Variants in GALNTL6 observed in about 807,000 individuals in gnomAD.
The protein encoded by GALNTL6 is polypeptide N-acetylgalactosaminyltransferase-like 6.
In GALNTL6, 46 loss-of-function variants were observed where a neutral mutation model predicts 73.7. The ratio of observed to expected loss-of-function variants is 0.62; its 90% CI spans 0.49 to 0.80. The LOEUF is 0.80. GALNTL6 is among the 30% of genes least tolerant of loss of function. The pLI is 0.00. For synonymous variants in GALNTL6, 259 were observed against 263.7 expected (o/e 0.98, Z 0.17); for missense variants, 604 against 755.0 (o/e 0.80, Z 2.34).
intron 3 of GALNTL6, among the ~76,000 whole-genome samples, chr4:172,233,348 C>CTAAATAAATAAA (rs3083265): frequency 2.0e-5 from 3 of 146,690 alleles, no homozygotes; most frequent in African/African-American, 7.6e-5. Flanking sequence ...GACTCTGTCT[C>CTAAATAAATAAA]TAAATAAATA....
At chr4:172,221,577 C>T (rs1480768303) in intron 2 of GALNTL6, among the ~76,000 whole-genome samples, 1 of 149,004 alleles carries the variant, frequency 6.7e-6, no homozygotes, top group Non-Finnish European at 1.5e-5. Flanking sequence ...GTGTGTGTTT[C>T]TTCACCCTTA....
At chr4:173,021,302 A>G (rs1288916291) in intron 11 of GALNTL6, among the ~76,000 whole-genome samples, 174 bp from the exon 12 acceptor site, 1 of 152,180 alleles carries the variant, frequency 6.6e-6, no homozygotes, top group Non-Finnish European at 1.5e-5. Context: ...TTACTGCTAC[A>G]GCACTTTATG....
intron 2 of GALNTL6, among the ~76,000 whole-genome samples, chr4:171,991,730 G>GTGTATA (rs1335580823): frequency 2.0e-5 from 2 of 98,182 alleles, no homozygotes; most frequent in Non-Finnish European, 3.9e-5. Context: ...GTGTGTGTGT[G>GTGTATA]TATATATATA....
At chr4:172,442,135 G>A (rs1398220249) in intron 5 of GALNTL6, among the ~76,000 whole-genome samples, 1 of 152,106 alleles carries the variant, frequency 6.6e-6, no homozygotes, top group Non-Finnish European at 1.5e-5. Context: ...TGATCAAAAG[G>A]TCGCAGGATC....
chr4:172,587,316 T>C (rs1316884111), intron 5 of GALNTL6, among the ~76,000 whole-genome samples: 1 of 152,194 alleles, frequency 6.6e-6, no homozygotes, highest in Non-Finnish European at 1.5e-5. Flanking sequence ...ACTTGATTGC[T>C]ATTACTGAAA....
chr4:172,835,312 G>T (rs1446304259), intron 7 of GALNTL6, among the ~76,000 whole-genome samples: 1 of 152,234 alleles, frequency 6.6e-6, no homozygotes, highest in Non-Finnish European at 1.5e-5. Flanking sequence ...GCTGGGAATT[G>T]CTGGCACTTG....
intron 9 of GALNTL6, among the ~76,000 whole-genome samples, chr4:172,933,644 TA>T (rs1371352767): frequency 1.3e-5 from 2 of 152,200 alleles, no homozygotes; most frequent in African/African-American, 2.4e-5. Flanking sequence ...ATGGTTTTTT[TA>T]AGTTAAAAAA....
intron 2 of GALNTL6, among the ~76,000 whole-genome samples, chr4:171,898,246 T>A (rs1342003670): frequency 1.3e-5 from 2 of 152,094 alleles, no homozygotes; most frequent in South Asian, 2.1e-4. Flanking sequence ...GGAGGAAATG[T>A]ATTCTCATAC....
chr4:172,942,744 C>T (rs1194144573), intron 9 of GALNTL6, among the ~76,000 whole-genome samples: 1 of 152,216 alleles, frequency 6.6e-6, no homozygotes, highest in Non-Finnish European at 1.5e-5. Flanking sequence ...ACCTCCACCA[C>T]CACTCACAGA....
chr4:172,711,637 G>A (rs769328278), intron 5 of GALNTL6, among the ~76,000 whole-genome samples: 5 of 152,112 alleles, frequency 3.3e-5, no homozygotes, highest in East Asian at 1.9e-4. Flanking sequence ...GAGCAGGTTC[G>A]GAAGGGACTT....
intron 2 of GALNTL6, among the ~76,000 whole-genome samples, chr4:171,921,604 C>T (rs143199635): frequency 6.6e-6 from 1 of 152,074 alleles, no homozygotes; most frequent in African/African-American, 2.4e-5. Context: ...GGAAAAGCTG[C>T]AGAAATTTAC....
intron 5 of GALNTL6, among the ~76,000 whole-genome samples, chr4:172,350,550 T>A (rs1741907532): frequency 6.6e-6 from 1 of 152,134 alleles, no homozygotes; most frequent in South Asian, 2.1e-4. Context: ...TTGAATTTCC[T>A]AATGGACATT....
At chr4:172,347,856 T>G (rs1050801025) in intron 4 of GALNTL6, among the ~76,000 whole-genome samples, 2 of 152,172 alleles carry the variant, frequency 1.3e-5, no homozygotes, top group African/African-American at 2.4e-5. Flanking sequence ...TTAAAAATAC[T>G]TCTTTTTCAT....
At chr4:172,503,355 C>T (rs1415493229) in intron 5 of GALNTL6, among the ~76,000 whole-genome samples, 4 of 151,954 alleles carry the variant, frequency 2.6e-5, no homozygotes, top group African/African-American at 4.8e-5. Context: ...AGCTCATCAT[C>T]ATAATACTTG....
At chr4:172,757,770 T>G (rs1223151162) in intron 5 of GALNTL6, among the ~76,000 whole-genome samples, 1 of 152,244 alleles carries the variant, frequency 6.6e-6, no homozygotes, top group Non-Finnish European at 1.5e-5. Flanking sequence ...GTGGTCTACC[T>G]TTTCAAATGG....
intron 8 of GALNTL6, among the ~76,000 whole-genome samples, chr4:172,894,122 G>C (rs148506061): frequency 6.6e-6 from 1 of 152,184 alleles, no homozygotes; most frequent in South Asian, 2.1e-4. Context: ...TTTCCTCTCA[G>C]TGGGAGAGGT....
intron 12 of GALNTL6, among the ~76,000 whole-genome samples, chr4:173,037,052 T>C (rs564745515): frequency 6.6e-6 from 1 of 152,328 alleles, no homozygotes; most frequent in East Asian, 1.9e-4. Flanking sequence ...GGCAATGATG[T>C]AGCTTAGCCC....
chr4:172,012,499 C>T (rs892274743), intron 2 of GALNTL6, among the ~76,000 whole-genome samples: 2 of 152,070 alleles, frequency 1.3e-5, no homozygotes, highest in African/African-American at 4.8e-5. Context: ...CTTCTACTAT[C>T]AGAAGCCCTA....
At chr4:172,985,768 TC>T (rs1249674940) in intron 10 of GALNTL6, among the ~76,000 whole-genome samples, 2 of 152,188 alleles carry the variant, frequency 1.3e-5, no homozygotes, top group East Asian at 3.9e-4. Flanking sequence ...AGTTTACTGG[TC>T]TAGGTGGCAC....
Sources: gnomAD v4.1 joint callset for allele counts (sites outside exome capture counted in the v4.1 genomes callset) on GRCh38, gnomAD v4.1.1 for gene constraint, MANE v1.5 for transcripts, NCBI Gene and HGNC (gene_info 2026-07-23, HGNC 2026-07-21) for gene names.